The following CADM1 variants were observed in gnomAD, a reference collection of about 807,000 sequenced individuals.
CADM1 encodes the protein cell adhesion molecule 1, also known as TSLC-1.
Under a neutral mutation model 53.1 loss-of-function variants are expected in CADM1, and 15 were observed. The observed-to-expected ratio is 0.28, with a 90% CI of 0.19 to 0.44. The LOEUF (loss-of-function observed/expected upper bound fraction) is 0.44. Among genes scored for constraint, CADM1 ranks in the 20% least tolerant of loss-of-function variants. The pLI, the probability that CADM1 is intolerant of heterozygous loss-of-function variation, is 1.00. For missense variants in CADM1, 434 were observed against 611.3 expected, an observed-to-expected ratio of 0.71 and a Z score of 3.06; for synonymous variants, 281 against 243.0, an observed-to-expected ratio of 1.16 and a Z score of -1.45.
intron 1 of CADM1, among the ~76,000 whole-genome samples, chr11:115,282,194 C>G (rs1943604851): frequency 6.6e-6 from 1 of 152,130 alleles, no homozygotes; most frequent in Admixed American, 6.5e-5. Flanking sequence ...GCTATCGTCA[C>G]AGTAATCCTA....
chr11:115,340,654 A>ATTTTTTTT lies in CADM1; in HGVS notation c.125-100235_125-100234insAAAAAAAA, dbSNP rs1370287141. ...TATATATATATATATATATATATAT[A>ATTTTTTTT]TATATTTTTTTTTTTTTTTTTTTTG... On this transcript the variant is annotated intron_variant, in intron 1 of 11. Coordinates refer to ENST00000331581, the MANE Select transcript of CADM1 (RefSeq NM_001301043.2). 4.2e-4 allele frequency among the ~76,000 whole-genome samples: 22 copies of ATTTTTTTT among 52,630 alleles called. 1 individual carries two copies. Among genetic ancestry groups the ATTTTTTTT allele is most frequent in the African/African-American group, 1.9e-3 (22 of 11,360 alleles). 34.5% of individuals were successfully genotyped at this position (52,630 alleles called of 152,430 possible).
chr11:115,191,370 A>C (rs1355945191), intron 9 of CADM1, among the ~76,000 whole-genome samples: 6 of 152,270 alleles, frequency 3.9e-5, no homozygotes, highest in Non-Finnish European at 7.3e-5. Context: ...TGACAAACAC[A>C]GTTCATTATC....
At chr11:115,285,002 C>G (rs1943693717) in intron 1 of CADM1, among the ~76,000 whole-genome samples, 1 of 152,144 alleles carries the variant, frequency 6.6e-6, no homozygotes, top group African/African-American at 2.4e-5. Flanking sequence ...TCACCCTCAG[C>G]CTCTGACAGC....
At chr11:115,415,084 GA>G (rs1947559997) in intron 1 of CADM1, among the ~76,000 whole-genome samples, 3 of 152,164 alleles carry the variant, frequency 2.0e-5, no homozygotes, top group Admixed American at 2.0e-4. Flanking sequence ...TTTTGAGCTT[GA>G]AAAATTGGTT....
At chr11:115,272,190 A>G (rs544323754) in intron 1 of CADM1, among the ~76,000 whole-genome samples, 2 of 152,258 alleles carry the variant, frequency 1.3e-5, no homozygotes, top group Non-Finnish European at 2.9e-5. Flanking sequence ...ACAAGCAAGA[A>G]TCTCAGTTCT....
chr11:115,458,202 A>G (rs1349941415), intron 1 of CADM1, among the ~76,000 whole-genome samples: 1 of 152,054 alleles, frequency 6.6e-6, no homozygotes, highest in Non-Finnish European at 1.5e-5. Flanking sequence ...AGTGAGGAAC[A>G]ACGTAACTAT....
chr11:115,428,504 A>G (rs992817664), intron 1 of CADM1, among the ~76,000 whole-genome samples: 6 of 152,176 alleles, frequency 3.9e-5, no homozygotes, highest in African/African-American at 1.4e-4. Flanking sequence ...CCTAGAAGTC[A>G]TCAGATTTGT....
chr11:115,289,598 T>C (rs539353955), intron 1 of CADM1, among the ~76,000 whole-genome samples: 9 of 88,234 alleles, frequency 1.0e-4, no homozygotes, highest in Admixed American at 6.2e-4. Context: ...TTTTTCTTTT[T>C]TTTTTTTTTT....
At chr11:115,189,352 A>G (rs1349937482) in intron 10 of CADM1, among the ~76,000 whole-genome samples, 1 of 152,136 alleles carries the variant, frequency 6.6e-6, no homozygotes, top group Non-Finnish European at 1.5e-5. Context: ...TGACTTTTGC[A>G]TATCTGAGTG....
At chr11:115,240,619 A>C (rs1176705895) in intron 1 of CADM1, among the ~76,000 whole-genome samples, 199 bp from the exon 2 acceptor site, 1 of 152,176 alleles carries the variant, frequency 6.6e-6, no homozygotes. Flanking sequence ...AATACAACTA[A>C]GCCTGGAATC....
intron 1 of CADM1, among the ~76,000 whole-genome samples, chr11:115,289,034 A>G (rs17441594): frequency 0.08 from 12,116 of 152,280 alleles, 692 homozygotes; most frequent in Non-Finnish European, 0.12. Context: ...GAAGAACTGA[A>G]GAAGCCAGAA....
At chr11:115,460,617 C>G (rs951331404) in intron 1 of CADM1, among the ~76,000 whole-genome samples, 1 of 152,078 alleles carries the variant, frequency 6.6e-6, no homozygotes, top group Non-Finnish European at 1.5e-5. Context: ...CTAATAATAA[C>G]AAAAGTTATT....
intron 7 of CADM1, chr11:115,214,401 G>T: frequency 1.7e-6 from 1 of 592,540 alleles, no homozygotes. Context: ...TGATCTAGTA[G>T]AAACACCCAC....
At chr11:115,236,607 G>T (rs1188075416) in intron 3 of CADM1, among the ~76,000 whole-genome samples, 1 of 152,142 alleles carries the variant, frequency 6.6e-6, no homozygotes, top group African/African-American at 2.4e-5. Context: ...CAAGCACATG[G>T]TGTATTCGGA....
intron 1 of CADM1, among the ~76,000 whole-genome samples, chr11:115,354,047 A>G (rs776543487): frequency 3.3e-5 from 5 of 152,330 alleles, no homozygotes; most frequent in South Asian, 2.1e-4. Flanking sequence ...CAAAATTAAT[A>G]AACATTTAAT....
At chr11:115,257,899 C>T (rs903741488) in intron 1 of CADM1, among the ~76,000 whole-genome samples, 7 of 152,140 alleles carry the variant, frequency 4.6e-5, no homozygotes, top group African/African-American at 9.7e-5. Context: ...TCAGCAGGTG[C>T]GAGGTGGGGC....
intron 1 of CADM1, among the ~76,000 whole-genome samples, chr11:115,327,962 T>C (rs1019519025): frequency 1.3e-5 from 2 of 152,174 alleles, no homozygotes; most frequent in Admixed American, 1.3e-4. Context: ...TTACACTCAG[T>C]ATTTTTTTCT....
chr11:115,449,325 A>T (rs554168676), intron 1 of CADM1, among the ~76,000 whole-genome samples: 62 of 152,346 alleles, frequency 4.1e-4, no homozygotes, highest in Middle Eastern at 3.4e-3. Flanking sequence ...GAAAATAATG[A>T]TTGTGCTTGG....
intron 1 of CADM1, among the ~76,000 whole-genome samples, chr11:115,290,659 T>G (rs2135107884): frequency 6.6e-6 from 1 of 152,284 alleles, no homozygotes; most frequent in East Asian, 1.9e-4. Flanking sequence ...CTGATGGGCT[T>G]GAGCTGTTGA....
Sources: allele counts gnomAD v4.1 joint callset (sites outside exome capture counted in the v4.1 genomes callset), GRCh38; gene constraint gnomAD v4.1.1; transcripts MANE v1.5; gene names NCBI Gene and HGNC (gene_info 2026-07-23, HGNC 2026-07-21).